The following ILDR2 variants were observed in gnomAD, a reference collection of about 807,000 sequenced individuals.
ILDR2 encodes the protein immunoglobulin-like domain-containing receptor 2.
Under a neutral mutation model 66.8 loss-of-function variants are expected in ILDR2, and 25 were observed. The observed-to-expected ratio is 0.37, with a 90% CI of 0.27 to 0.52. ILDR2 has a LOEUF of 0.52. Ranked by LOEUF, ILDR2 falls within the 20% of genes least tolerant of loss-of-function variation. The pLI is 0.88. For missense variants in ILDR2, 827 were observed against 876.8 expected, an observed-to-expected ratio of 0.94 and a Z score of 0.72; for synonymous variants, 367 against 357.2, an observed-to-expected ratio of 1.03 and a Z score of -0.31.
chr1:166,950,069 T>C (rs965149469), intron 3 of ILDR2, among the ~76,000 whole-genome samples: 12 of 152,224 alleles, frequency 7.9e-5, no homozygotes, highest in Non-Finnish European at 1.3e-4. Context: ...TGATGCATAA[T>C]TGAGTTTACA....
Position 166,972,594 on chromosome 1 carries a change from C to A in ILDR2, c.46+2629G>T, listed in dbSNP as rs72689317. Among the ~76,000 whole-genome samples, 1,437 of 152,168 alleles carry A rather than the reference C, an allele frequency of 9.4e-3. 10 individuals are homozygous for A. Among genetic ancestry groups the A allele is most frequent in the Admixed American group, 0.014 (209 of 15,296 alleles). On this transcript the variant is annotated intron_variant, in intron 1 of 9. Coordinates refer to ENST00000271417, the MANE Select transcript of ILDR2 (RefSeq NM_199351.3). Reference sequence around the variant, plus strand: ...CAAGGCTAAATATATAACAGGAAGACATACAGAATTTTAGTAATGAAAGAC... The same window carrying A: ...CAAGGCTAAATATATAACAGGAAGAAATACAGAATTTTAGTAATGAAAGAC...
intron 3 of ILDR2, among the ~76,000 whole-genome samples, chr1:166,955,342 C>T (rs1215281756): frequency 1.3e-5 from 2 of 152,164 alleles, no homozygotes; most frequent in African/African-American, 4.8e-5. Flanking sequence ...CGAGGTGGCT[C>T]ACACCTGTAA....
intron 1 of ILDR2, among the ~76,000 whole-genome samples, chr1:166,973,879 A>T (rs1663454497): frequency 6.6e-6 from 1 of 152,106 alleles, no homozygotes; most frequent in Non-Finnish European, 1.5e-5. Flanking sequence ...TCTGCTGAGG[A>T]TGCCTCCCCC....
At chr1:166,898,089 G>C (rs1415005354) in intron 2 of ILDR2, among the ~76,000 whole-genome samples, 1 of 152,176 alleles carries the variant, frequency 6.6e-6, no homozygotes, top group Non-Finnish European at 1.5e-5. Flanking sequence ...AGTTGACAAT[G>C]ACTCCACAGT....
At chr1:166,937,442 G>C (rs1661052812) in intron 4 of ILDR2, among the ~76,000 whole-genome samples, 1 of 152,234 alleles carries the variant, frequency 6.6e-6, no homozygotes, top group African/African-American at 2.4e-5. Context: ...GAATGAGTTT[G>C]GTTTGATCAC....
intron 3 of ILDR2, among the ~76,000 whole-genome samples, chr1:166,955,795 A>G (rs1662244903): frequency 6.6e-6 from 1 of 152,150 alleles, no homozygotes; most frequent in South Asian, 2.1e-4. Context: ...GTACAAATCT[A>G]CCTTCAACCT....
rs1659910610 is a variant in ILDR2 at position 166,921,186 on chromosome 1, A to G, written c.1405T>C (p.Tyr469His). 1.3e-6 allele frequency: 2 copies of G among 1,569,900 alleles called. No homozygotes were observed. The highest frequency in any genetic ancestry group is 1.7e-6 in the Non-Finnish European group (2 of 1,165,252). The change falls in exon 9 of 10, where the codon TAC (tyrosine) becomes CAC (histidine). Residue 469 changes from tyrosine (Y) to histidine (H), a missense_variant. Physicochemically the swap from Tyr to His is moderately conservative, Grantham distance 83 (BLOSUM62 2). This residue lies in a region of ILDR2 where 390 missense variants were observed against 353.6 expected (regional missense o/e 1.10). Transcript: ENST00000271417. This position sits in a 1 kb window ranked among gnomAD's most constrained non-coding sequence, Gnocchi z 5.3. ...TACTCCTCCAAGGAGTCGTCCTGGT[A>G]GAAGCCGCTGTGCGCCCGCGACTCC... ...RSESRAHSGF[Y>H]QDDSLEEYYG...
intron 1 of ILDR2, among the ~76,000 whole-genome samples, chr1:166,965,579 TTTG>T (rs1350361812): frequency 2.0e-5 from 3 of 148,210 alleles, no homozygotes; most frequent in Admixed American, 6.6e-5. Flanking sequence ...TGTTTTTTTT[TTTG>T]TTTTTTTTTT....
chr1:166,944,351 G>T (rs1045431854), intron 3 of ILDR2, among the ~76,000 whole-genome samples: 15 of 152,058 alleles, frequency 9.9e-5, no homozygotes, highest in African/African-American at 3.4e-4. Flanking sequence ...GAGACACAGG[G>T]GACAAGATGT....
chr1:166,902,099 A>G (rs1659274944), intron 2 of ILDR2, among the ~76,000 whole-genome samples: 1 of 152,202 alleles, frequency 6.6e-6, no homozygotes, highest in Admixed American at 6.5e-5. Flanking sequence ...ACCTCAGGTG[A>G]TACACCCGCC....
rs552443168 is a variant in ILDR2, at chr1:166,967,295, T to C, written c.46+7928A>G. Among the ~76,000 whole-genome samples the C allele has an allele frequency of 3.3e-5, 5 of 152,320 alleles. No individual in the cohort carries two copies. The South Asian group carries it at 8.3e-4, about 25-fold the overall frequency. Reference sequence around the variant, plus strand: ...AAACGGTAGGCTTATCCCCACAGATTTGGACTCTTACAGGAGAGAGAAATA... The same window carrying C: ...AAACGGTAGGCTTATCCCCACAGATCTGGACTCTTACAGGAGAGAGAAATA... On this transcript the variant is annotated intron_variant, in intron 1 of 9. Transcript: ENST00000271417.
At chr1:166,897,357 C>T (rs1659184887) in intron 2 of ILDR2, among the ~76,000 whole-genome samples, 1 of 152,110 alleles carries the variant, frequency 6.6e-6, no homozygotes, top group African/African-American at 2.4e-5. Flanking sequence ...GAGGTAAACT[C>T]TAAACTTTGG....
intron 3 of ILDR2, among the ~76,000 whole-genome samples, chr1:166,949,124 G>A (rs1259289414): frequency 1.3e-5 from 2 of 152,228 alleles, no homozygotes; most frequent in Non-Finnish European, 2.9e-5. Flanking sequence ...TCTATCTGGA[G>A]CCAGATAATT....
Position 166,939,784 on chromosome 1 carries a change from C to T in ILDR2, c.500-214G>A, listed in dbSNP as rs1043284665. ...CATCTAAGTGAACTCTGCACCTAAA[C>T]TAAGCGGAAGCAGAAACAGAACTTT... On this transcript the variant is annotated intron_variant, in intron 3 of 9. Transcript: ENST00000271417. Among the ~76,000 whole-genome samples, 3 of 152,204 alleles carry T rather than the reference C, an allele frequency of 2.0e-5. No homozygotes were observed. The East Asian group carries it at 5.8e-4, about 29-fold the overall frequency.
At chr1:166,970,868 G>A (rs1277019865) in intron 1 of ILDR2, among the ~76,000 whole-genome samples, 3 of 152,198 alleles carry the variant, frequency 2.0e-5, no homozygotes, top group East Asian at 1.9e-4. Context: ...GACGAGGTAC[G>A]TTCCACAGAG....
intron 6 of ILDR2, among the ~76,000 whole-genome samples, chr1:166,928,734 C>T (rs184353408): frequency 5.9e-4 from 90 of 152,298 alleles, no homozygotes; most frequent in South Asian, 2.5e-3. Context: ...GCACTAAAAA[C>T]AGAAGTCACC....
At position 166,909,513 on chromosome 1, in the gene ILDR2, A is replaced by T. The variant is rs1659417802; in HGVS notation, c.*9842T>A. On this transcript the variant is annotated 3_prime_UTR_variant, in exon 10 of 10. Coordinates refer to ENST00000271417, the MANE Select transcript of ILDR2 (RefSeq NM_199351.3). Reference sequence around the variant, plus strand: ...GTCATTTGCAACCAAAAATTTTTTTACTAATACAGCTGCCAAAGGAATGAA... The same window carrying T: ...GTCATTTGCAACCAAAAATTTTTTTTCTAATACAGCTGCCAAAGGAATGAA... The T allele has an allele frequency of 6.6e-6, 1 of 151,648 alleles. No individual in the cohort carries two copies. Among genetic ancestry groups the T allele is most frequent in the Non-Finnish European group, 1.5e-5 (1 of 67,968 alleles). The allele number at this position is 151,648 out of a possible 1,614,324, so 9.4% of individuals were successfully genotyped here. A position where few individuals can be genotyped will look rare whatever the true frequency, so the allele number is the denominator to read the frequency against.
chr1:166,920,944 C>T lies in ILDR2; in HGVS notation c.1647G>A (p.Glu549=). The T allele has an allele frequency of 6.7e-7, 1 of 1,484,306 alleles. No individual in the cohort carries two copies. Among genetic ancestry groups the T allele is most frequent in the Non-Finnish European group, 8.9e-7 (1 of 1,126,846 alleles). The allele number at this position is 1,484,306 out of a possible 1,614,324, so 91.9% of individuals were successfully genotyped here. A position where few individuals can be genotyped will look rare whatever the true frequency, so the allele number is the denominator to read the frequency against. ...PEGASRGGSL[E]TPSKRSAQLG... ...GCTGCGCGCTCCGCTTGGATGGCGTCTCCAGGCTGCCACCGCGGCTGGCGC... is the reference window on the plus strand; with the variant it reads ...GCTGCGCGCTCCGCTTGGATGGCGTTTCCAGGCTGCCACCGCGGCTGGCGC... The change falls in exon 9 of 10, where the codon GAG becomes GAA. Residue 549 remains glutamate, a synonymous_variant. Transcript: ENST00000271417.
Position 166,912,183 on chromosome 1 carries a change from CA to C in ILDR2, c.*7171del, listed in dbSNP as rs1557922297. 6.6e-6 allele frequency: 1 copy of C among 152,154 alleles called. No homozygotes were observed. Among genetic ancestry groups the C allele is most frequent in the East Asian group, 1.9e-4 (1 of 5,190 alleles). The allele number at this position is 152,154 out of a possible 1,614,324, so 9.4% of individuals were successfully genotyped here. Reference sequence around the variant, plus strand: ...AAACTGGTAATTGACTTCTTAAAAGCAAAAATAAAAGTCAGAAGGGAGTGTA... The same window carrying C: ...AAACTGGTAATTGACTTCTTAAAAGCAAAATAAAAGTCAGAAGGGAGTGTA... On this transcript the variant is annotated 3_prime_UTR_variant, in exon 10 of 10. Transcript: ENST00000271417.
Sources: allele counts gnomAD v4.1 joint callset (sites outside exome capture counted in the v4.1 genomes callset), GRCh38; gene constraint gnomAD v4.1.1; regional missense constraint gnomAD v4.1.1; non-coding constraint Gnocchi (gnomAD v3.1); transcripts MANE v1.5; gene names NCBI Gene and HGNC (gene_info 2026-07-23, HGNC 2026-07-21).